PPHLN1: variants seen among roughly 807,000 people sequenced by gnomAD.
PPHLN1 encodes periphilin 1.
A neutral mutation model predicts 51.3 loss-of-function variants in PPHLN1; 29 were observed. That is an observed-to-expected ratio of 0.57 (90% CI 0.42 to 0.77). PPHLN1 has a LOEUF of 0.77. PPHLN1 is among the 30% of genes least tolerant of loss of function. The pLI, the probability that PPHLN1 is intolerant of heterozygous loss-of-function variation, is 0.00. For missense variants in PPHLN1, 436 were observed against 438.4 expected (o/e 0.99, Z 0.05); for synonymous variants, 147 against 147.8 (o/e 0.99, Z 0.04).
chr12:42,327,647 A>G (rs2069008123), intron 1 of PPHLN1, among the ~76,000 whole-genome samples: 1 of 152,180 alleles, frequency 6.6e-6, no homozygotes, highest in African/African-American at 2.4e-5. Flanking sequence ...CACTTCCCTC[A>G]CGGCATTTAT....
chr12:42,447,056 A>T (rs1032945022), downstream of PPHLN1: 1 of 157,782 alleles, frequency 6.3e-6, no homozygotes. Flanking sequence ...TCTCGGCTGC[A>T]CTAAAGCTGG....
At chr12:42,350,637 G>C (rs1286831081) in intron 2 of PPHLN1, among the ~76,000 whole-genome samples, 4 of 152,134 alleles carry the variant, frequency 2.6e-5, no homozygotes, top group Admixed American at 2.0e-4. Context: ...AGGTTGTAGC[G>C]AGCGGAGATC....
At chr12:42,419,755 A>G (rs901585681) in intron 9 of PPHLN1, among the ~76,000 whole-genome samples, 1 of 152,210 alleles carries the variant, frequency 6.6e-6, no homozygotes, top group South Asian at 2.1e-4. Context: ...CATGTGGCAT[A>G]TTTGTGGATA....
chr12:42,346,174 C>T (rs574191663), intron 2 of PPHLN1, among the ~76,000 whole-genome samples: 2 of 152,210 alleles, frequency 1.3e-5, no homozygotes, highest in Admixed American at 1.3e-4. Flanking sequence ...TACATTAGAT[C>T]TCTAGACTTA....
downstream of PPHLN1, chr12:42,446,507 C>CT: frequency 6.6e-7 from 1 of 1,517,818 alleles, no homozygotes; most frequent in African/African-American, 1.4e-5. Flanking sequence ...CTAGAAAGAC[C>CT]CCCACTCCTG....
At chr12:42,422,518 C>T (rs577886855) in intron 9 of PPHLN1, among the ~76,000 whole-genome samples, 11 of 152,228 alleles carry the variant, frequency 7.2e-5, no homozygotes, top group Non-Finnish European at 1.5e-4. Context: ...ATGTTCAGCA[C>T]TGCTAAAACA....
chr12:42,426,810 C>A (rs2081539486), intron 9 of PPHLN1, among the ~76,000 whole-genome samples: 1 of 152,178 alleles, frequency 6.6e-6, no homozygotes, highest in Middle Eastern at 3.4e-3. Context: ...GTTAAAACTT[C>A]TATGTTCTGA....
At chr12:42,442,930 A>G (rs1463820924), downstream of PPHLN1, 5 of 910,826 alleles carry the variant, frequency 5.5e-6, no homozygotes, top group East Asian at 2.9e-5. Context: ...GTTGTTTCCC[A>G]TAACCCATGG....
chr12:42,386,505 CA>C (rs2077203691), intron 6 of PPHLN1, among the ~76,000 whole-genome samples: 1 of 152,128 alleles, frequency 6.6e-6, no homozygotes, highest in African/African-American at 2.4e-5. Flanking sequence ...GCCTCAGTTT[CA>C]AAGTCGTTTT....
chr12:42,365,266 T>C (rs2075144928), intron 4 of PPHLN1, among the ~76,000 whole-genome samples: 1 of 152,264 alleles, frequency 6.6e-6, no homozygotes, highest in South Asian at 2.1e-4. Context: ...AAAATAATTC[T>C]TGAAATCGTA....
intron 1 of PPHLN1, among the ~76,000 whole-genome samples, chr12:42,331,453 CTT>C (rs1386451229): frequency 6.6e-6 from 1 of 152,202 alleles, no homozygotes; most frequent in African/African-American, 2.4e-5. Context: ...TTCCATGACA[CTT>C]TTGCTTAGAG....
intron 9 of PPHLN1, among the ~76,000 whole-genome samples, chr12:42,432,552 T>C (rs1385439451): frequency 6.6e-6 from 1 of 152,190 alleles, no homozygotes; most frequent in African/African-American, 2.4e-5. Context: ...CCAATTACTT[T>C]TCCAGTGAGA....
intron 1 of PPHLN1, among the ~76,000 whole-genome samples, chr12:42,333,419 A>T (rs1006636036): frequency 7.9e-5 from 12 of 152,096 alleles, no homozygotes; most frequent in African/African-American, 2.9e-4. Flanking sequence ...TTTAATAAAT[A>T]TTGCCAAATT....
intron 5 of PPHLN1, among the ~76,000 whole-genome samples, chr12:42,378,380 C>G (rs1478455705): frequency 1.3e-5 from 2 of 151,830 alleles, no homozygotes; most frequent in Non-Finnish European, 2.9e-5. Flanking sequence ...ATTTCAGATA[C>G]CAGTTTTTGC....
intron 2 of PPHLN1, among the ~76,000 whole-genome samples, chr12:42,338,141 G>A (rs1318865968): frequency 6.6e-6 from 1 of 152,154 alleles, no homozygotes; most frequent in African/African-American, 2.4e-5. Flanking sequence ...TGGCCAGGCT[G>A]GTCTCGAACT....
At chr12:42,372,846 CTTAAAT>C (rs1432001052) in intron 4 of PPHLN1, among the ~76,000 whole-genome samples, 1 of 152,148 alleles carries the variant, frequency 6.6e-6, no homozygotes, top group Non-Finnish European at 1.5e-5. Context: ...ATCCTCATTT[CTTAAAT>C]TTATTTTTCT....
chr12:42,380,087 A>G (rs878954850), intron 5 of PPHLN1, among the ~76,000 whole-genome samples: 7 of 152,020 alleles, frequency 4.6e-5, no homozygotes, highest in Non-Finnish European at 1.0e-4. Context: ...TATTTCTTCT[A>G]TCAAAACAGT....
chr12:42,353,076 G>A (rs895751019), intron 3 of PPHLN1, among the ~76,000 whole-genome samples: 2 of 147,496 alleles, frequency 1.4e-5, no homozygotes, highest in African/African-American at 2.5e-5. Flanking sequence ...GCGATAGAGC[G>A]AGACTTTGTC....
intron 9 of PPHLN1, among the ~76,000 whole-genome samples, chr12:42,424,708 C>G (rs183688668): frequency 2.0e-5 from 3 of 152,110 alleles, no homozygotes; most frequent in Middle Eastern, 3.2e-3. Flanking sequence ...TAGCTACCCC[C>G]ACTCGCTTCA....
Sources: gnomAD v4.1 joint callset for allele counts (sites outside exome capture counted in the v4.1 genomes callset) on GRCh38, gnomAD v4.1.1 for gene constraint, MANE v1.5 for transcripts, NCBI Gene and HGNC (gene_info 2026-07-23, HGNC 2026-07-21) for gene names.